SLC45A2: variants seen among roughly 807,000 people sequenced by gnomAD.
SLC45A2 encodes solute carrier family 45 member 2.
In SLC45A2, 36 loss-of-function variants were observed where a neutral mutation model predicts 45.5. That is an observed-to-expected ratio of 0.79 (90% CI 0.61 to 1.04). The LOEUF (loss-of-function observed/expected upper bound fraction) is 1.04, where lower values mean the gene tolerates loss of function less well. Among genes scored for constraint, SLC45A2 ranks in the 50% least tolerant of loss-of-function variants. The pLI is 0.00. For synonymous variants in SLC45A2, 306 were observed against 269.3 expected (o/e 1.14, Z -1.33); for missense variants, 719 against 671.0 (o/e 1.07, Z -0.79).
chr5:33,950,367 C>G (rs1029447495), intron 5 of SLC45A2, among the ~76,000 whole-genome samples: 1 of 152,018 alleles, frequency 6.6e-6, no homozygotes, highest in Non-Finnish European at 1.5e-5. Context: ...TTTGCACACT[C>G]GAAGAGGAAG....
At chr5:33,960,363 C>T (rs1376880624) in intron 3 of SLC45A2, among the ~76,000 whole-genome samples, 3 of 151,382 alleles carry the variant, frequency 2.0e-5, no homozygotes, top group Admixed American at 6.6e-5. Flanking sequence ...TTTGCAATTG[C>T]GAATTGTGCT....
chr5:33,963,817 G>C lies in SLC45A2; in HGVS notation c.762C>G (p.Thr254=), dbSNP rs1425729099. 6.2e-7 allele frequency: 1 copy of C among 1,613,982 alleles called. No homozygotes were observed. Among genetic ancestry groups the C allele is most frequent in the Non-Finnish European group, 8.5e-7 (1 of 1,180,038 alleles). The stretch of plus-strand genomic sequence containing the variant: ...CTGATGACAATGGAGGGTCCTGAGG[G>C]GTTTGCTGTGGGGGAATGCCCTTTG... The part of the protein sequence containing the change: ...EVAKGIPPQQ[T]PQDPPLSSDG... Residue 254 remains threonine, a synonymous_variant, in exon 3 of 7, where the codon ACC becomes ACG. Coordinates refer to ENST00000296589, the MANE Select transcript of SLC45A2 (RefSeq NM_016180.5).
At chr5:33,963,648 C>T (rs1752513319) in intron 3 of SLC45A2, 43 bp downstream of exon 3, 1 of 1,591,130 alleles carries the variant, frequency 6.3e-7, no homozygotes, top group African/African-American at 1.3e-5. Flanking sequence ...CAACAAAGAG[C>T]AAGAATATTT....
At chr5:33,952,298 C>G (rs1402683281) in intron 4 of SLC45A2, among the ~76,000 whole-genome samples, 2 of 151,970 alleles carry the variant, frequency 1.3e-5, no homozygotes, top group Admixed American at 6.6e-5. Context: ...GCCTGAACCC[C>G]ACCCCTCCTT....
chr5:33,955,845 C>T lies in SLC45A2; in HGVS notation c.889-1341G>A, dbSNP rs540177656. ...ACATCAGTTTGAAAAGAGCCCCTAA[C>T]AGAGCAACATGAATTCTACTAAAAT... is the stretch of plus-strand genomic sequence containing the variant. On this transcript the variant is annotated intron_variant, in intron 3 of 6. Transcript: ENST00000296589. 2.0e-5 allele frequency among the ~76,000 whole-genome samples: 3 copies of T among 152,262 alleles called. No homozygotes were observed. The South Asian group carries it at 6.2e-4, about 32-fold the overall frequency.
Position 33,981,046 on chromosome 5 carries a change from C to T in SLC45A2, c.562+1190G>A, listed in dbSNP as rs770736472. ...GGGAGCACCCGAGTGAGGAGACACA[C>T]GTGGAAAGTGCAGTGGGAAGGGAAG... On this transcript the variant is annotated intron_variant, in intron 2 of 6. Coordinates refer to ENST00000296589, the MANE Select transcript of SLC45A2 (RefSeq NM_016180.5). Among the ~76,000 whole-genome samples the T allele has an allele frequency of 1.6e-4, 24 of 152,124 alleles. No homozygotes were observed. In the South Asian group the frequency reaches 1.7e-3, roughly 11 times the overall value.
chr5:33,952,261 G>A (rs1752129699), intron 4 of SLC45A2, among the ~76,000 whole-genome samples: 1 of 151,966 alleles, frequency 6.6e-6, no homozygotes, highest in Admixed American at 6.6e-5. Context: ...AAAGCACTGA[G>A]ATTACAGGCA....
chr5:33,951,094 T>A (rs889222157), intron 5 of SLC45A2, among the ~76,000 whole-genome samples: 2 of 152,184 alleles, frequency 1.3e-5, no homozygotes, highest in African/African-American at 4.8e-5. Flanking sequence ...GGTGCTCCTA[T>A]AACCCACCCA....
chr5:33,957,759 G>A (rs1429592814), intron 3 of SLC45A2, among the ~76,000 whole-genome samples: 1 of 152,122 alleles, frequency 6.6e-6, no homozygotes, highest in African/African-American at 2.4e-5. Flanking sequence ...AACTGAGAAA[G>A]CGAATCTGGT....
chr5:33,962,766 A>G (rs1752487867), intron 3 of SLC45A2, among the ~76,000 whole-genome samples: 1 of 152,240 alleles, frequency 6.6e-6, no homozygotes, highest in African/African-American at 2.4e-5. Context: ...TCTTTAGGTT[A>G]CCCTATAGCA....
In SLC45A2 at chr5:33,951,572, A is replaced by T; in HGVS notation, c.1138T>A (p.Phe380Ile). The T allele has an allele frequency of 6.2e-7, 1 of 1,614,176 alleles. No homozygotes were observed. Among genetic ancestry groups the T allele is most frequent in the South Asian group, 1.1e-5 (1 of 91,082 alleles). Residue 380 changes from phenylalanine (F) to isoleucine (I), a missense_variant, in exon 5 of 7, where the codon TTT becomes ATT. Transcript: ENST00000296589. ...GACTTACAAGAATAAAGTGAGGAAA[A>T]CACGGAGTTGATGCACAAGCCCCAA... ...GCWGLCINSV[F>I]SSLYSYFQKV...
At chr5:33,972,120 A>T in intron 2 of SLC45A2, 1 of 519,306 alleles carries the variant, frequency 1.9e-6, no homozygotes, top group East Asian at 5.5e-5. Context: ...TGGATCAGAG[A>T]AATGTTTAAT....
chr5:33,954,490 C>T lies in SLC45A2; in HGVS notation c.903G>A (p.Met301Ile), dbSNP rs1361235155. 6.2e-7 allele frequency: 1 copy of T among 1,613,920 alleles called. No individual in the cohort carries two copies. The highest frequency in any genetic ancestry group is 8.5e-7 in the Non-Finnish European group (1 of 1,179,970). ...KNHAEQTRRA[M>I]TLKSLLRALV... is the part of the protein sequence containing the mutation. Reference sequence around the variant, plus strand: ...GTGCTCTCAGCAGTGACTTTAATGTCATTGCCCTGCGAGTCTGAAATAAAA... The same window carrying T: ...GTGCTCTCAGCAGTGACTTTAATGTTATTGCCCTGCGAGTCTGAAATAAAA... Residue 301 changes from methionine to isoleucine, a missense_variant, in exon 4 of 7, where the codon ATG (methionine) becomes ATA (isoleucine). Met to Ile is a conservative substitution (Grantham distance 10, BLOSUM62 1). Coordinates refer to ENST00000296589, the MANE Select transcript of SLC45A2 (RefSeq NM_016180.5).
rs1221952600 is a variant in SLC45A2, at chr5:33,957,347, A to AT, written c.889-2844dup. On this transcript the variant is annotated intron_variant, in intron 3 of 6. Coordinates refer to ENST00000296589, the MANE Select transcript of SLC45A2 (RefSeq NM_016180.5). The stretch of plus-strand genomic sequence containing the variant: ...TTTTCTATTTTAACTGTAACAGCAT[A>AT]TTTTTTATACTTCTTAACCTTATAT... Among the ~76,000 whole-genome samples the AT allele has an allele frequency of 2.6e-5, 4 of 152,212 alleles. No homozygotes were observed. The South Asian group carries it at 8.3e-4, about 32-fold the overall frequency.
intron 5 of SLC45A2, among the ~76,000 whole-genome samples, chr5:33,948,956 T>A (rs1426465991): frequency 6.6e-6 from 1 of 152,228 alleles, no homozygotes; most frequent in Non-Finnish European, 1.5e-5. Context: ...TGAATTGCCC[T>A]CTGATGGGTC....
intron 2 of SLC45A2, among the ~76,000 whole-genome samples, chr5:33,964,996 G>C (rs1752563634): frequency 6.6e-6 from 1 of 152,196 alleles, no homozygotes; most frequent in African/African-American, 2.4e-5. Flanking sequence ...GAATTAAAGA[G>C]TTGAGTGCTG....
intron 2 of SLC45A2, among the ~76,000 whole-genome samples, chr5:33,965,122 C>G (rs1273119397): frequency 6.6e-6 from 1 of 152,130 alleles, no homozygotes; most frequent in African/African-American, 2.4e-5. Context: ...CTGAACAGAT[C>G]AGCTTTCATT....
intron 3 of SLC45A2, among the ~76,000 whole-genome samples, chr5:33,961,406 A>G (rs1205289825): frequency 6.6e-6 from 1 of 152,200 alleles, no homozygotes; most frequent in African/African-American, 2.4e-5. Flanking sequence ...TTCTAAAGTT[A>G]CAAACTCTGT....
At chr5:33,951,407 T>C (rs1752090842) in intron 5 of SLC45A2, 147 bp downstream of exon 5, 1 of 1,580,494 alleles carries the variant, frequency 6.3e-7, no homozygotes, top group East Asian at 2.2e-5. Context: ...TATGGTCCTT[T>C]TTAAGGTGAT....
Sources: allele counts gnomAD v4.1 joint callset (sites outside exome capture counted in the v4.1 genomes callset), GRCh38; gene constraint gnomAD v4.1.1; transcripts MANE v1.5; gene names NCBI Gene and HGNC (gene_info 2026-07-23, HGNC 2026-07-21).